Variants in ENOX1 observed in about 807,000 individuals in gnomAD.
ENOX1 encodes the protein ecto-NOX disulfide-thiol exchanger 1.
ENOX1 carries 42 observed loss-of-function variants against 82.5 expected under a neutral mutation model. That is an observed-to-expected ratio of 0.51 (90% CI 0.40 to 0.66). The LOEUF is 0.66. Ranked by LOEUF, ENOX1 falls within the 30% of genes least tolerant of loss-of-function variation. The pLI is 0.00. For missense variants in ENOX1, 608 were observed against 811.6 expected (o/e 0.75, Z 3.05); for synonymous variants, 271 against 282.2 (o/e 0.96, Z 0.40).
intron 1 of ENOX1, among the ~76,000 whole-genome samples, chr13:43,732,238 C>T (rs941589336): frequency 7.2e-5 from 11 of 152,048 alleles, no homozygotes; most frequent in Non-Finnish European, 1.3e-4. Context: ...ATGGATAAGA[C>T]GAACTCCAAG....
chr13:43,759,626 A>C (rs1459739203), intron 1 of ENOX1, among the ~76,000 whole-genome samples: 1 of 152,214 alleles, frequency 6.6e-6, no homozygotes, highest in Non-Finnish European at 1.5e-5. Context: ...AGAGGATGAC[A>C]CTCTAAACTG....
chr13:43,579,025 T>C (rs1261413308), intron 2 of ENOX1, among the ~76,000 whole-genome samples: 1 of 151,902 alleles, frequency 6.6e-6, no homozygotes, highest in Non-Finnish European at 1.5e-5. Flanking sequence ...CTTCTGCTTG[T>C]GTGGCCTTGG....
At chr13:43,431,414 C>T (rs1468893194) in intron 3 of ENOX1, among the ~76,000 whole-genome samples, 1 of 152,156 alleles carries the variant, frequency 6.6e-6, no homozygotes, top group Non-Finnish European at 1.5e-5. Flanking sequence ...GAAATGTCAT[C>T]CCTGACCTCT....
intron 9 of ENOX1, among the ~76,000 whole-genome samples, chr13:43,342,837 C>T (rs1341169689): frequency 6.6e-6 from 1 of 152,206 alleles, no homozygotes; most frequent in Admixed American, 6.5e-5. Flanking sequence ...TCAGTTGCTT[C>T]AAATATGGGC....
chr13:43,688,663 G>C (rs976609731), intron 1 of ENOX1, among the ~76,000 whole-genome samples: 2 of 152,198 alleles, frequency 1.3e-5, no homozygotes, highest in Admixed American at 1.3e-4. Flanking sequence ...ATTAAATGAG[G>C]AGTGTGGCAA....
chr13:43,646,325 C>G (rs1029583116), intron 2 of ENOX1, among the ~76,000 whole-genome samples: 1 of 152,200 alleles, frequency 6.6e-6, no homozygotes, highest in Non-Finnish European at 1.5e-5. Context: ...CTCTTGACAG[C>G]TCTATATGAT....
chr13:43,460,484 T>C (rs902232112), intron 3 of ENOX1, among the ~76,000 whole-genome samples: 7 of 152,132 alleles, frequency 4.6e-5, no homozygotes, highest in Admixed American at 1.3e-4. Flanking sequence ...AGTTTCCTAC[T>C]ATGTGGAACT....
At chr13:43,702,953 C>CAAAG (rs2086999294) in intron 1 of ENOX1, among the ~76,000 whole-genome samples, 1 of 51,010 alleles carries the variant, frequency 2.0e-5, no homozygotes, top group Non-Finnish European at 3.3e-5. Context: ...GACTCTGTCT[C>CAAAG]AAAAAAAAAA....
intron 2 of ENOX1, among the ~76,000 whole-genome samples, chr13:43,491,670 G>T (rs1478172235): frequency 2.6e-5 from 4 of 152,150 alleles, no homozygotes; most frequent in Admixed American, 1.3e-4. Flanking sequence ...GAGAGGCGGA[G>T]GCAGGAGAAT....
intron 2 of ENOX1, among the ~76,000 whole-genome samples, chr13:43,569,971 T>C (rs1434515129): frequency 6.6e-6 from 1 of 152,214 alleles, no homozygotes; most frequent in Non-Finnish European, 1.5e-5. Flanking sequence ...TCAGGTGCTT[T>C]GTTAGTTTAA....
chr13:43,336,685 T>C (rs2048734395), intron 9 of ENOX1, among the ~76,000 whole-genome samples: 1 of 152,208 alleles, frequency 6.6e-6, no homozygotes, highest in Non-Finnish European at 1.5e-5. Context: ...AAGATACCTG[T>C]ATTTAGATAT....
intron 2 of ENOX1, among the ~76,000 whole-genome samples, chr13:43,559,912 A>G (rs1243318887): frequency 6.6e-6 from 1 of 152,238 alleles, no homozygotes; most frequent in African/African-American, 2.4e-5. Flanking sequence ...CTTTAAAAGT[A>G]AGGTATGATT....
intron 2 of ENOX1, among the ~76,000 whole-genome samples, chr13:43,619,303 C>T (rs1466887817): frequency 3.9e-5 from 6 of 152,056 alleles, no homozygotes; most frequent in African/African-American, 1.4e-4. Context: ...GAGTGGGCAT[C>T]CTTGTCTTGT....
intron 12 of ENOX1, among the ~76,000 whole-genome samples, chr13:43,272,776 A>T (rs2044761581): frequency 6.6e-6 from 1 of 152,208 alleles, no homozygotes; most frequent in Non-Finnish European, 1.5e-5. Context: ...ACCATTTTTA[A>T]AACACCTTCA....
intron 2 of ENOX1, among the ~76,000 whole-genome samples, chr13:43,592,445 A>AT (rs899425138): frequency 1.4e-3 from 210 of 152,118 alleles, no homozygotes; most frequent in African/African-American, 4.0e-3. Context: ...CCATCATTGC[A>AT]TTTTTTTTAA....
At chr13:43,343,625 T>C (rs1161056857) in intron 9 of ENOX1, among the ~76,000 whole-genome samples, 4 of 152,200 alleles carry the variant, frequency 2.6e-5, no homozygotes, top group African/African-American at 9.7e-5. Flanking sequence ...TTTGCACTGA[T>C]GAAAGAGGTG....
intron 10 of ENOX1, 149 bp from the exon 11 acceptor site, chr13:43,322,650 TG>T: frequency 1.5e-6 from 1 of 652,954 alleles, no homozygotes; most frequent in Non-Finnish European, 2.6e-6. Flanking sequence ...AAGGAGGTTC[TG>T]AGGGGTGTGG....
At chr13:43,761,585 T>C (rs957652407) in intron 1 of ENOX1, among the ~76,000 whole-genome samples, 1 of 152,258 alleles carries the variant, frequency 6.6e-6, no homozygotes, top group East Asian at 1.9e-4. Flanking sequence ...AGCATGAGAC[T>C]AGATTGTTTT....
chr13:43,255,159 T>G (rs888899211), intron 14 of ENOX1, among the ~76,000 whole-genome samples: 9 of 152,062 alleles, frequency 5.9e-5, no homozygotes, highest in Admixed American at 4.6e-4. Flanking sequence ...AATAATAAAG[T>G]GGTACATCAC....
Sources: allele counts gnomAD v4.1 joint callset (sites outside exome capture counted in the v4.1 genomes callset), GRCh38; gene constraint gnomAD v4.1.1; transcripts MANE v1.5; gene names NCBI Gene and HGNC (gene_info 2026-07-23, HGNC 2026-07-21).